P4HA1: variants seen among roughly 807,000 people sequenced by gnomAD.
The protein encoded by P4HA1 is prolyl 4-hydroxylase subunit alpha 1.
A neutral mutation model predicts 72.8 loss-of-function variants in P4HA1; 24 were observed. The observed-to-expected ratio is 0.33, with a 90% CI of 0.24 to 0.46. P4HA1 has a LOEUF of 0.46. Ranked by LOEUF, P4HA1 falls within the 20% of genes least tolerant of loss-of-function variation. The pLI, the probability that P4HA1 is intolerant of heterozygous loss-of-function variation, is 1.00. For synonymous variants in P4HA1, 201 were observed against 218.8 expected (o/e 0.92, Z 0.72); for missense variants, 446 against 640.6 (o/e 0.70, Z 3.28).
chr10:73,017,985 T>C (rs1166699936), intron 10 of P4HA1, among the ~76,000 whole-genome samples: 1 of 144,652 alleles, frequency 6.9e-6, no homozygotes, highest in Non-Finnish European at 1.5e-5. Flanking sequence ...TGTGTCTTGC[T>C]CTGGGGCCAG....
At chr10:73,015,913 A>AT (rs1839999417) in intron 11 of P4HA1, among the ~76,000 whole-genome samples, 1 of 152,018 alleles carries the variant, frequency 6.6e-6, no homozygotes, top group Admixed American at 6.6e-5. Context: ...GTTTCACAGA[A>AT]TATCTGCCAC....
At chr10:73,019,318 A>G (rs770412272) in intron 10 of P4HA1, among the ~76,000 whole-genome samples, 1 of 152,188 alleles carries the variant, frequency 6.6e-6, no homozygotes, top group African/African-American at 2.4e-5. Flanking sequence ...AAAAGAGCCA[A>G]TTGTTCCACT....
chr10:73,024,334 A>G (rs1456211683), intron 10 of P4HA1, among the ~76,000 whole-genome samples: 166 of 142,160 alleles, frequency 1.2e-3, no homozygotes, highest in South Asian at 2.1e-3. Context: ...CAGGATTAAG[A>G]AACTCACTCA....
rs769924520 is a variant in P4HA1 at position 73,030,390 on chromosome 10, T to TAG, written c.1149-22_1149-21dup. Reference sequence around the variant, plus strand: ...CAGGCACTAAGAATAAGAGGAATATTAGTTTTATTGATAATGTTTCATTAC... The same window carrying TAG: ...CAGGCACTAAGAATAAGAGGAATATTAGAGTTTTATTGATAATGTTTCATTAC... On this transcript the variant is annotated intron_variant, in intron 9 of 14. Transcript: ENST00000394890. 7.6e-7 allele frequency: 1 copy of TAG among 1,319,772 alleles called. No homozygotes were observed. The highest frequency in any genetic ancestry group is 1.1e-6 in the Non-Finnish European group (1 of 937,280). The allele number at this position is 1,319,772 out of a possible 1,614,324, so 81.8% of individuals were successfully genotyped here. A position where few individuals can be genotyped will look rare whatever the true frequency, so the allele number is the denominator to read the frequency against.
intron 7 of P4HA1, among the ~76,000 whole-genome samples, chr10:73,048,617 C>T (rs952565568): frequency 1.4e-5 from 2 of 147,386 alleles, no homozygotes; most frequent in East Asian, 2.1e-4. Context: ...ATTAACAAAC[C>T]GGGAAATTAG....
chr10:73,032,137 AGCC>A (rs879471126), intron 9 of P4HA1, among the ~76,000 whole-genome samples: 4 of 152,188 alleles, frequency 2.6e-5, no homozygotes, highest in Non-Finnish European at 1.5e-5. Context: ...AACTCACTTC[AGCC>A]TCTCCCTTCA....
At chr10:73,050,568 C>A (rs973529212) in intron 7 of P4HA1, among the ~76,000 whole-genome samples, 2 of 151,800 alleles carry the variant, frequency 1.3e-5, no homozygotes, top group African/African-American at 4.8e-5. Context: ...GGTATGGTGG[C>A]GGGCACCTGT....
At chr10:73,034,198 A>C (rs772980388) in intron 9 of P4HA1, among the ~76,000 whole-genome samples, 43 of 152,176 alleles carry the variant, frequency 2.8e-4, no homozygotes, top group Non-Finnish European at 5.4e-4. Context: ...TGGGCCCCAG[A>C]ATGAGAACCT....
chr10:73,084,003 A>G (rs57908433), intron 1 of P4HA1, among the ~76,000 whole-genome samples: 7,162 of 152,274 alleles, frequency 0.047, 531 homozygotes, highest in African/African-American at 0.16. Flanking sequence ...TTAAGTAAAT[A>G]GATAAATCAT....
intron 1 of P4HA1, among the ~76,000 whole-genome samples, chr10:73,087,271 T>A (rs1036049826): frequency 5.0e-5 from 6 of 120,982 alleles, no homozygotes; most frequent in East Asian, 3.9e-4. Context: ...TGCCTTTATT[T>A]TTTTTTTTTT....
chr10:73,046,138 A>T lies in P4HA1; in HGVS notation c.1077+787T>A, dbSNP rs1840857577. Reference sequence around the variant, plus strand: ...ACTAAATAGTCATGACAGAGATCATATGGCCTCCAAAGCCTAAAAAATATC... The same window carrying T: ...ACTAAATAGTCATGACAGAGATCATTTGGCCTCCAAAGCCTAAAAAATATC... On this transcript the variant is annotated intron_variant, in intron 8 of 14. Transcript: ENST00000394890. Among the ~76,000 whole-genome samples, 6 of 152,298 alleles carry T rather than the reference A, an allele frequency of 3.9e-5. No individual in the cohort carries two copies. In the South Asian group the frequency reaches 1.2e-3, roughly 32 times the overall value.
At chr10:73,091,464 G>A (rs980467629) in intron 1 of P4HA1, among the ~76,000 whole-genome samples, 3 of 152,092 alleles carry the variant, frequency 2.0e-5, no homozygotes, top group African/African-American at 4.8e-5. Context: ...ACCACGCCTA[G>A]ACTAAAATAA....
At chr10:73,090,465 T>G (rs1163868002) in intron 1 of P4HA1, among the ~76,000 whole-genome samples, 1 of 152,222 alleles carries the variant, frequency 6.6e-6, no homozygotes, top group South Asian at 2.1e-4. Flanking sequence ...ATGGATATGT[T>G]CCTTATCTTG....
At chr10:73,054,623 G>A (rs1841095000) in intron 5 of P4HA1, among the ~76,000 whole-genome samples, 1 of 152,150 alleles carries the variant, frequency 6.6e-6, no homozygotes, top group African/African-American at 2.4e-5. Context: ...CATATGAATG[G>A]AACTGACTGG....
chr10:73,051,318 T>A, intron 6 of P4HA1, 69 bp from the exon 7 acceptor site: 1 of 802,888 alleles, frequency 1.2e-6, no homozygotes, highest in Non-Finnish European at 2.0e-6. Context: ...AATATAGTAA[T>A]ATAAAAATAG....
intron 5 of P4HA1, among the ~76,000 whole-genome samples, chr10:73,056,588 C>T (rs755277057): frequency 1.4e-4 from 22 of 151,826 alleles, no homozygotes; most frequent in Admixed American, 7.2e-4. Context: ...GCCAAGATCA[C>T]GCCATTGCGG....
intron 1 of P4HA1, among the ~76,000 whole-genome samples, chr10:73,082,182 T>G (rs1841839342): frequency 6.6e-6 from 1 of 152,196 alleles, no homozygotes; most frequent in Non-Finnish European, 1.5e-5. Context: ...TTGAGCATGT[T>G]TAAGGTGTGC....
At chr10:73,034,577 T>C (rs1199011446) in intron 9 of P4HA1, among the ~76,000 whole-genome samples, 1 of 151,250 alleles carries the variant, frequency 6.6e-6, no homozygotes, top group Non-Finnish European at 1.5e-5. Flanking sequence ...ACTTAACATG[T>C]GTGTGTGGTT....
chr10:73,045,814 C>T (rs768624998), intron 8 of P4HA1, among the ~76,000 whole-genome samples: 3 of 147,980 alleles, frequency 2.0e-5, no homozygotes, highest in African/African-American at 5.0e-5. Flanking sequence ...CCTTGGATGG[C>T]ACCAATAATA....
Sources: gnomAD v4.1 joint callset for allele counts (sites outside exome capture counted in the v4.1 genomes callset) on GRCh38, gnomAD v4.1.1 for gene constraint, MANE v1.5 for transcripts, NCBI Gene and HGNC (gene_info 2026-07-23, HGNC 2026-07-21) for gene names.